RYR2: variants seen among roughly 807,000 people sequenced by gnomAD.
The protein encoded by RYR2 is cardiac muscle ryanodine receptor-calcium release channel.
RYR2 carries 227 observed loss-of-function variants against 601.1 expected under a neutral mutation model. The observed-to-expected ratio is 0.38, with a 90% CI of 0.34 to 0.42. The LOEUF (loss-of-function observed/expected upper bound fraction) is 0.42. RYR2 is among the 10% of genes least tolerant of loss of function. RYR2 has a pLI of 1.00. For missense variants in RYR2, 4,646 were observed against 6,156.5 expected (o/e 0.75, Z 8.21); for synonymous variants, 2,223 against 2,175.1 (o/e 1.02, Z -0.61).
At chr1:237,418,389 C>T (rs1705226285) in intron 11 of RYR2, among the ~76,000 whole-genome samples, 1 of 152,096 alleles carries the variant, frequency 6.6e-6, no homozygotes, top group Admixed American at 6.6e-5. Flanking sequence ...TATTGCCTGT[C>T]TAATGGTGAT....
chr1:237,760,059 T>C (rs1277682397), intron 83 of RYR2, among the ~76,000 whole-genome samples: 1 of 152,002 alleles, frequency 6.6e-6, no homozygotes, highest in African/African-American at 2.4e-5. Flanking sequence ...ATGGTAATAA[T>C]GTCTTAAAAT....
chr1:237,589,349 G>GT (rs1457115257), intron 29 of RYR2, among the ~76,000 whole-genome samples: 1 of 152,128 alleles, frequency 6.6e-6, no homozygotes, highest in Non-Finnish European at 1.5e-5. Flanking sequence ...TGTGTCTGGT[G>GT]TTAGTATGTA....
chr1:237,720,649 G>A (rs1393355374), intron 73 of RYR2, among the ~76,000 whole-genome samples: 1 of 152,194 alleles, frequency 6.6e-6, no homozygotes, highest in Admixed American at 6.5e-5. Flanking sequence ...TATTTGAGAA[G>A]ATCAGGTACC....
At chr1:237,747,358 T>C (rs1029207393) in intron 80 of RYR2, among the ~76,000 whole-genome samples, 1 of 152,180 alleles carries the variant, frequency 6.6e-6, no homozygotes, top group African/African-American at 2.4e-5. Flanking sequence ...TGTGGCAGAG[T>C]TGGTAATTCT....
intron 35 of RYR2, among the ~76,000 whole-genome samples, chr1:237,608,019 C>A (rs1677337094): frequency 6.6e-6 from 1 of 152,126 alleles, no homozygotes; most frequent in Non-Finnish European, 1.5e-5. Context: ...TACCTATATA[C>A]ACATATGTAT....
At position 237,587,665 on chromosome 1, in the gene RYR2, T is replaced by C. The variant is rs188823874; in HGVS notation, c.3599-2128T>C. ...AGTATATTTATTATCAAAACAGTAT[T>C]CTAGAATTGTAAACATAGCTATGGG... On this transcript the variant is annotated intron_variant, in intron 29 of 104. Transcript: ENST00000366574. Among the ~76,000 whole-genome samples, 6 of 152,324 alleles carry C rather than the reference T, an allele frequency of 3.9e-5. No individual in the cohort carries two copies. The East Asian group carries it at 9.6e-4, about 24-fold the overall frequency.
rs188348991 is a variant in RYR2, at chr1:237,109,905, C to T, written c.48+67336C>T. Among the ~76,000 whole-genome samples the T allele has an allele frequency of 9.9e-5, 15 of 151,988 alleles. No individual in the cohort carries two copies. The South Asian group carries it at 2.3e-3, about 23-fold the overall frequency. On this transcript the variant is annotated intron_variant, in intron 1 of 104. Transcript: ENST00000366574. ...GAGCGTATGACCTGGCTTTGTGCAC[C>T]GAGAAAACTGCCCAAAATAACAGGT...
At chr1:237,394,556 G>T (rs1409228989) in intron 10 of RYR2, among the ~76,000 whole-genome samples, 1 of 152,154 alleles carries the variant, frequency 6.6e-6, no homozygotes, top group African/African-American at 2.4e-5. Context: ...GCTCCCAAAG[G>T]TACCAGCAGC....
Position 237,784,204 on chromosome 1 carries a change from G to A in RYR2, c.12492G>A (p.Gln4164=), listed in dbSNP as rs377293019. The A allele has an allele frequency of 3.4e-4, 551 of 1,613,904 alleles. 1 individual carries two copies. The highest frequency in any genetic ancestry group is 4.4e-4 in the Non-Finnish European group (514 of 1,179,912). ...ESSRTQWEKP[Q]VKESKRQFIF... ...GCCGAACCCAGTGGGAGAAGCCCCA[G>A]GTCAAGGAGTCCAAAAGACAGTTCA... The change falls in exon 90 of 105, where the codon CAG becomes CAA. Residue 4164 remains glutamine (Q), a synonymous_variant. Transcript: ENST00000366574. This position sits in a 1 kb window ranked among gnomAD's most constrained non-coding sequence, Gnocchi z 7.1.
At position 237,689,060 on chromosome 1, in the gene RYR2, C is replaced by G. The variant is rs117099630; in HGVS notation, c.9067+1556C>G. ...AGAGAATCACTTGAGGACAGGAGTT[C>G]AAGACCAGCTGGGGCAACATAGCAA... On this transcript the variant is annotated intron_variant, in intron 63 of 104. Transcript: ENST00000366574. 3.5e-4 allele frequency among the ~76,000 whole-genome samples: 53 copies of G among 152,146 alleles called. No homozygotes were observed. In the East Asian group the frequency reaches 9.3e-3, roughly 27 times the overall value.
chr1:237,505,033 T>A (rs1665074574), intron 22 of RYR2, among the ~76,000 whole-genome samples: 1 of 152,232 alleles, frequency 6.6e-6, no homozygotes, highest in Admixed American at 6.5e-5. Flanking sequence ...CCTTCTTCGA[T>A]ACGCTTATTT....
At chr1:237,423,011 C>T (rs1705750915) in intron 11 of RYR2, 81 bp from the exon 12 acceptor site, 1 of 1,461,514 alleles carries the variant, frequency 6.8e-7, no homozygotes, top group Non-Finnish European at 9.2e-7. Flanking sequence ...TATGACTGTT[C>T]ATTGTCCGAC....
chr1:237,716,128 T>C (rs1291946426), intron 71 of RYR2, among the ~76,000 whole-genome samples: 1 of 152,106 alleles, frequency 6.6e-6, no homozygotes, highest in Non-Finnish European at 1.5e-5. Context: ...AATTATTACA[T>C]AATTGTATAT....
At chr1:237,493,128 T>A (rs757757618) in intron 19 of RYR2, 41 bp downstream of exon 19, 1 of 1,609,650 alleles carries the variant, frequency 6.2e-7, no homozygotes, top group South Asian at 1.1e-5. Context: ...GGTACCATAA[T>A]AAAAGAATTA....
At chr1:237,451,437 G>A (rs1658098902) in intron 14 of RYR2, among the ~76,000 whole-genome samples, 1 of 151,972 alleles carries the variant, frequency 6.6e-6, no homozygotes, top group Non-Finnish European at 1.5e-5. Flanking sequence ...GCTGGATGTG[G>A]TGGGCATGAG....
At chr1:237,139,325 A>C (rs1673133154) in intron 1 of RYR2, among the ~76,000 whole-genome samples, 1 of 152,258 alleles carries the variant, frequency 6.6e-6, no homozygotes, top group Non-Finnish European at 1.5e-5. Flanking sequence ...TATCCAGAAT[A>C]GGCAAATCTA....
intron 25 of RYR2, among the ~76,000 whole-genome samples, chr1:237,533,913 A>G (rs1668365724): frequency 6.6e-6 from 1 of 152,124 alleles, no homozygotes; most frequent in African/African-American, 2.4e-5. Context: ...TTTGAAGCAT[A>G]TACTTTTGTA....
intron 25 of RYR2, among the ~76,000 whole-genome samples, chr1:237,542,371 GA>G (rs1669386464): frequency 6.6e-6 from 1 of 152,130 alleles, no homozygotes; most frequent in Non-Finnish European, 1.5e-5. Context: ...TTAGTTCCTA[GA>G]ATAGCACCTG....
Position 237,395,564 on chromosome 1 carries a change from T to TTTTTTTTTTTTTG in RYR2, c.773+7381_773+7382insTTTTTTTTTTTTG, listed in dbSNP as rs1400077755. Among the ~76,000 whole-genome samples, 18 of 77,638 alleles carry TTTTTTTTTTTTTG rather than the reference T, an allele frequency of 2.3e-4. 1 individual carries two copies. The highest frequency in any genetic ancestry group is 1.1e-3 in the African/African-American group (18 of 17,060). 50.9% of individuals were successfully genotyped at this position (77,638 alleles called of 152,430 possible). A position where few individuals can be genotyped will look rare whatever the true frequency, so the allele number is the denominator to read the frequency against. Reference sequence around the variant, plus strand: ...TTTTTTTTTTTTTTTTTTTTTTTTTTGAGACAGAGTCTCGCTTTGTTCCCC... The same window carrying TTTTTTTTTTTTTG: ...TTTTTTTTTTTTTTTTTTTTTTTTTTTTTTTTTTTTTTGGAGACAGAGTCTCGCTTTGTTCCCC... On this transcript the variant is annotated intron_variant, in intron 10 of 104. Transcript: ENST00000366574.
Sources: gnomAD v4.1 joint callset for allele counts (sites outside exome capture counted in the v4.1 genomes callset) on GRCh38, gnomAD v4.1.1 for gene constraint, Gnocchi (gnomAD v3.1) non-coding constraint, MANE v1.5 for transcripts, NCBI Gene and HGNC (gene_info 2026-07-23, HGNC 2026-07-21) for gene names.